DRC2: variants seen among roughly 807,000 people sequenced by gnomAD.
The protein encoded by DRC2 is coiled-coil domain containing 65.
chr12:48,908,305 G>A, the DRC2 span, among the ~76,000 whole-genome samples: 14 of 151,682 alleles, frequency 9.2e-5, no homozygotes, highest in African/African-American at 1.5e-4. Flanking sequence ...CTCCCACTTC[G>A]GCCTCCCAAA....
At chr12:48,907,404 A>G in the DRC2 span, among the ~76,000 whole-genome samples, 1 of 152,336 alleles carries the variant, frequency 6.6e-6, no homozygotes, top group African/African-American at 2.4e-5. Flanking sequence ...GAAGCTGAGT[A>G]GTTGGCCAGG....
the DRC2 span, among the ~76,000 whole-genome samples, chr12:48,919,473 C>T: frequency 6.4e-4 from 98 of 152,080 alleles, no homozygotes; most frequent in African/African-American, 2.2e-3. Flanking sequence ...GCTGGGATTA[C>T]AGGCATGAGC....
chr12:48,912,121 G>A, the DRC2 span, among the ~76,000 whole-genome samples: 3 of 151,998 alleles, frequency 2.0e-5, no homozygotes, highest in East Asian at 5.8e-4. Flanking sequence ...TTAGCCAGGT[G>A]TGGTGGTGTG....
the DRC2 span, among the ~76,000 whole-genome samples, chr12:48,916,038 T>C: frequency 1.6e-5 from 2 of 125,020 alleles, no homozygotes; most frequent in Admixed American, 1.7e-4. Flanking sequence ...TTCCTAGATG[T>C]GATGGCGGCC....
chr12:48,920,441 T>TTTTAAAAAAAAAA, the DRC2 span, among the ~76,000 whole-genome samples: 4 of 67,816 alleles, frequency 5.9e-5, no homozygotes, highest in Non-Finnish European at 1.0e-4. Flanking sequence ...AACTCCATCT[T>TTTTAAAAAAAAAA]AAAAAAAAAA....
the DRC2 span, among the ~76,000 whole-genome samples, chr12:48,906,532 C>T: frequency 6.6e-6 from 1 of 151,854 alleles, no homozygotes; most frequent in African/African-American, 2.4e-5. Flanking sequence ...GATCCGCCCG[C>T]CTCAGTCTCC....
chr12:48,904,927 T>C, the DRC2 span: 1 of 1,560,690 alleles, frequency 6.4e-7, no homozygotes, highest in Non-Finnish European at 8.7e-7. Context: ...CCTGGAGGTA[T>C]ATTTATTCCT....
At chr12:48,916,592 A>AAGAGAG in the DRC2 span, among the ~76,000 whole-genome samples, 4 of 151,932 alleles carry the variant, frequency 2.6e-5, no homozygotes, top group Admixed American at 2.6e-4. Context: ...AGACCGTGGA[A>AAGAGAG]AGAGAGGGAG....
At chr12:48,914,792 A>G in the DRC2 span, among the ~76,000 whole-genome samples, 1 of 152,010 alleles carries the variant, frequency 6.6e-6, no homozygotes, top group Admixed American at 6.6e-5. Context: ...CTGTCTGTGT[A>G]CCTTCACCAC....
At chr12:48,904,445 A>C in the DRC2 span, 2 of 1,613,888 alleles carry the variant, frequency 1.2e-6, no homozygotes, top group Non-Finnish European at 1.7e-6. Flanking sequence ...AAAGAAGGAG[A>C]GGCTCCTCAG....
the DRC2 span, chr12:48,918,451 GA>G: frequency 2.5e-6 from 4 of 1,613,458 alleles, no homozygotes; most frequent in Non-Finnish European, 2.5e-6. Flanking sequence ...AAGTACAGAT[GA>G]AAAAAATACA....
chr12:48,910,778 C>T, the DRC2 span, among the ~76,000 whole-genome samples: 1 of 152,062 alleles, frequency 6.6e-6, no homozygotes, highest in Non-Finnish European at 1.5e-5. Flanking sequence ...GGCACAGTGG[C>T]TCATGCCTGA....
the DRC2 span, chr12:48,914,318 A>C: frequency 7.3e-7 from 1 of 1,373,998 alleles, no homozygotes; most frequent in Non-Finnish European, 9.8e-7. Flanking sequence ...ATTAGGAACA[A>C]AGAAAAAACT....
At chr12:48,918,799 A>C in the DRC2 span, 2 of 1,614,104 alleles carry the variant, frequency 1.2e-6, no homozygotes, top group Non-Finnish European at 1.7e-6. Context: ...GCGAAAACTT[A>C]AGGCCCAAAG....
the DRC2 span, chr12:48,921,030 A>T: frequency 3.7e-6 from 6 of 1,613,414 alleles, no homozygotes; most frequent in African/African-American, 1.3e-5. Context: ...CCTAAGGAGC[A>T]GGAGGGGATT....
the DRC2 span, among the ~76,000 whole-genome samples, chr12:48,913,394 C>G: frequency 2.6e-5 from 4 of 151,890 alleles, no homozygotes; most frequent in African/African-American, 4.8e-5. Flanking sequence ...AACTTGGCCT[C>G]CCGGGTTCAA....
At chr12:48,904,499 A>G in the DRC2 span, 8 of 1,602,392 alleles carry the variant, frequency 5.0e-6, no homozygotes, top group African/African-American at 8.1e-5. Context: ...GTCCTGCTCA[A>G]CCCCATCCAC....
chr12:48,914,921 C>T, the DRC2 span, among the ~76,000 whole-genome samples: 7 of 151,944 alleles, frequency 4.6e-5, no homozygotes, highest in South Asian at 4.2e-4. Flanking sequence ...TGCAGTGGCA[C>T]GATCTCAGCT....
At chr12:48,918,187 C>T in the DRC2 span, 1 of 1,230,250 alleles carries the variant, frequency 8.1e-7, no homozygotes, top group East Asian at 2.3e-5. Flanking sequence ...ATGCTACAAA[C>T]AGTTCAAGAG....
Sources: gnomAD v4.1 joint callset for allele counts (sites outside exome capture counted in the v4.1 genomes callset) on GRCh38, gnomAD v4.1.1 for gene constraint, MANE v1.5 for transcripts, NCBI Gene and HGNC (gene_info 2026-07-23, HGNC 2026-07-21) for gene names.